LRP1B: variants seen among roughly 807,000 people sequenced by gnomAD.
LRP1B encodes low-density lipoprotein receptor-related protein 1B.
LRP1B carries 217 observed loss-of-function variants against 556.6 expected under a neutral mutation model. The ratio of observed to expected loss-of-function variants is 0.39; its 90% CI spans 0.35 to 0.44. LRP1B has a LOEUF of 0.44. Ranked by LOEUF, LRP1B falls within the 20% of genes least tolerant of loss-of-function variation. The pLI is 1.00. For missense variants in LRP1B, 5,053 were observed against 5,620.8 expected (o/e 0.90, Z 3.23); for synonymous variants, 2,047 against 1,865.8 (o/e 1.10, Z -2.50).
chr2:140,379,985 A>G (rs1683401927), intron 67 of LRP1B, among the ~76,000 whole-genome samples: 1 of 131,012 alleles, frequency 7.6e-6, no homozygotes, highest in Non-Finnish European at 1.6e-5. Context: ...AAAAATAACA[A>G]TTAATACTAA....
chr2:141,893,951 T>C (rs1433086906), intron 1 of LRP1B, among the ~76,000 whole-genome samples: 1 of 152,084 alleles, frequency 6.6e-6, no homozygotes, highest in Non-Finnish European at 1.5e-5. Context: ...TTCTCTCTCT[T>C]TCTCTCTCAC....
intron 66 of LRP1B, among the ~76,000 whole-genome samples, chr2:140,415,088 A>T (rs1475746701): frequency 6.6e-6 from 1 of 152,170 alleles, no homozygotes; most frequent in East Asian, 1.9e-4. Context: ...GGTCTCCTGC[A>T]GTACCCTCAG....
intron 41 of LRP1B, among the ~76,000 whole-genome samples, chr2:140,681,509 A>C (rs1685858281): frequency 6.6e-6 from 1 of 152,188 alleles, no homozygotes; most frequent in African/African-American, 2.4e-5. Flanking sequence ...AAGGAATACT[A>C]TTACTTATAA....
chr2:140,253,152 A>G (rs1056314227), intron 86 of LRP1B, among the ~76,000 whole-genome samples: 1 of 152,030 alleles, frequency 6.6e-6, no homozygotes, highest in Non-Finnish European at 1.5e-5. Context: ...ACTCTATAAT[A>G]CACTAAAATG....
chr2:141,709,360 G>T (rs948507526), intron 2 of LRP1B, among the ~76,000 whole-genome samples: 3 of 110,022 alleles, frequency 2.7e-5, no homozygotes, highest in Admixed American at 9.1e-5. Context: ...AAAAATAAAA[G>T]AAAATAAATA....
At chr2:140,364,980 C>T (rs1558831551) in intron 71 of LRP1B, among the ~76,000 whole-genome samples, 197 bp from the exon 72 acceptor site, 3 of 151,286 alleles carry the variant, frequency 2.0e-5, no homozygotes, top group Non-Finnish European at 1.5e-5. Flanking sequence ...GTTGACATTT[C>T]AAAACATTCT....
At chr2:141,327,632 G>A (rs1421417606) in intron 3 of LRP1B, among the ~76,000 whole-genome samples, 2 of 152,048 alleles carry the variant, frequency 1.3e-5, no homozygotes, top group Admixed American at 6.5e-5. Flanking sequence ...AAAAAGAAGG[G>A]AATTAAAATA....
intron 66 of LRP1B, among the ~76,000 whole-genome samples, chr2:140,402,946 T>G (rs1053470972): frequency 4.6e-5 from 7 of 152,102 alleles, no homozygotes; most frequent in African/African-American, 1.7e-4. Context: ...TAGGAGAGGG[T>G]GTACTTGCCC....
intron 35 of LRP1B, among the ~76,000 whole-genome samples, chr2:140,726,319 TA>T (rs974007036): frequency 6.6e-6 from 1 of 152,054 alleles, no homozygotes; most frequent in Admixed American, 6.6e-5. Context: ...TTAACTTGCT[TA>T]AAAAAATAAA....
At position 140,577,326 on chromosome 2, in the gene LRP1B, T is replaced by C. The variant is rs1288742105; in HGVS notation, c.7194+21305A>G. 2.0e-5 allele frequency among the ~76,000 whole-genome samples: 3 copies of C among 151,914 alleles called. No individual in the cohort carries two copies. The East Asian group carries it at 5.9e-4, about 30-fold the overall frequency. On this transcript the variant is annotated intron_variant, in intron 43 of 90. Coordinates refer to ENST00000389484, the MANE Select transcript of LRP1B (RefSeq NM_018557.3). Reference sequence around the variant, plus strand: ...GGTGAAACCCCATTTCTACTAAAGATACAAAAATTAGCTGGGCCTGGTGGT... The same window carrying C: ...GGTGAAACCCCATTTCTACTAAAGACACAAAAATTAGCTGGGCCTGGTGGT...
intron 3 of LRP1B, among the ~76,000 whole-genome samples, chr2:141,435,676 C>A (rs1433829221): frequency 6.6e-6 from 1 of 152,168 alleles, no homozygotes; most frequent in Non-Finnish European, 1.5e-5. Flanking sequence ...GGGTAGCTTA[C>A]CCTGGTCTTT....
At chr2:140,775,097 T>A (rs1250510436) in intron 33 of LRP1B, among the ~76,000 whole-genome samples, 1 of 152,064 alleles carries the variant, frequency 6.6e-6, no homozygotes, top group Admixed American at 6.6e-5. Flanking sequence ...CGTAATATGT[T>A]TTCTTCTGCT....
At chr2:141,756,667 T>C (rs771383233) in intron 2 of LRP1B, among the ~76,000 whole-genome samples, 1 of 152,042 alleles carries the variant, frequency 6.6e-6, no homozygotes, top group East Asian at 1.9e-4. Context: ...GCATTTTTAC[T>C]GTATCTTTTT....
intron 2 of LRP1B, among the ~76,000 whole-genome samples, chr2:141,541,553 A>G (rs1239092224): frequency 1.3e-5 from 2 of 152,014 alleles, no homozygotes; most frequent in African/African-American, 2.4e-5. Flanking sequence ...TTTTGCTATG[A>G]ACATTCACAC....
At position 140,781,586 on chromosome 2, in the gene LRP1B, C is replaced by A. The variant is rs1197365711; in HGVS notation, c.5360-5348G>T. ...TAGTAAGGTCTCTGCCATTATAGAC[C>A]TAATATTCTAGTAATAGAGACAGAC... On this transcript the variant is annotated intron_variant, in intron 32 of 90. Coordinates refer to ENST00000389484, the MANE Select transcript of LRP1B (RefSeq NM_018557.3). Among the ~76,000 whole-genome samples the A allele has an allele frequency of 5.9e-5, 9 of 152,192 alleles. No individual in the cohort carries two copies. In the East Asian group the frequency reaches 1.2e-3, roughly 20 times the overall value.
chr2:140,588,867 G>A (rs780079715), intron 43 of LRP1B, among the ~76,000 whole-genome samples: 2 of 151,816 alleles, frequency 1.3e-5, no homozygotes, highest in Non-Finnish European at 2.9e-5. Flanking sequence ...GGCTGAGGCA[G>A]GAGAATCTCT....
chr2:140,412,529 T>C (rs945233746), intron 66 of LRP1B, among the ~76,000 whole-genome samples: 1 of 152,090 alleles, frequency 6.6e-6, no homozygotes, highest in Non-Finnish European at 1.5e-5. Flanking sequence ...GAGTGCTCTA[T>C]TGACTCACAG....
At chr2:141,071,193 G>T (rs1400981068) in intron 7 of LRP1B, among the ~76,000 whole-genome samples, 51 of 149,598 alleles carry the variant, frequency 3.4e-4, no homozygotes, top group Non-Finnish European at 6.4e-4. Flanking sequence ...ATGCAAGGCT[G>T]GTTCAATATA....
At chr2:141,815,125 G>T (rs1221513611) in intron 1 of LRP1B, among the ~76,000 whole-genome samples, 2 of 152,102 alleles carry the variant, frequency 1.3e-5, no homozygotes, top group East Asian at 3.9e-4. Context: ...GAAGGTGAAA[G>T]TAGAGCTATG....
Sources: allele counts gnomAD v4.1 joint callset (sites outside exome capture counted in the v4.1 genomes callset), GRCh38; gene constraint gnomAD v4.1.1; transcripts MANE v1.5; gene names NCBI Gene and HGNC (gene_info 2026-07-23, HGNC 2026-07-21).